Variants in RAPGEF1 observed in about 807,000 individuals in gnomAD.
RAPGEF1 encodes CRK SH3-binding GNRP.
A neutral mutation model predicts 143.3 loss-of-function variants in RAPGEF1; 33 were observed. The ratio of observed to expected loss-of-function variants is 0.23; its 90% CI spans 0.17 to 0.31. The LOEUF is 0.31. Ranked by LOEUF, RAPGEF1 falls within the 10% of genes least tolerant of loss-of-function variation. RAPGEF1 has a pLI of 1.00. For missense variants in RAPGEF1, 1,199 were observed against 1,645.4 expected (o/e 0.73, Z 4.69); for synonymous variants, 629 against 676.5 (o/e 0.93, Z 1.09).
chr9:131,694,255 T>C (rs1246564266), intron 1 of RAPGEF1, among the ~76,000 whole-genome samples: 3 of 152,152 alleles, frequency 2.0e-5, no homozygotes. Flanking sequence ...CCTTTTTCAG[T>C]CAGGGTTCCA....
intron 1 of RAPGEF1, among the ~76,000 whole-genome samples, chr9:131,730,121 G>A (rs1467880630): frequency 6.7e-6 from 1 of 149,710 alleles, no homozygotes; most frequent in African/African-American, 2.5e-5. Context: ...GTGAACCCGG[G>A]AGGTGGAGCT....
intron 1 of RAPGEF1, chr9:131,709,749 C>CGG (rs1835374264): frequency 6.2e-7 from 1 of 1,609,992 alleles, no homozygotes; most frequent in Non-Finnish European, 8.5e-7. Context: ...AACTGAGGAC[C>CGG]GAGTCACTGG....
intron 1 of RAPGEF1, among the ~76,000 whole-genome samples, chr9:131,731,288 T>G (rs1407767741): frequency 6.6e-6 from 1 of 152,210 alleles, no homozygotes; most frequent in African/African-American, 2.4e-5. Flanking sequence ...CAGCTACTAC[T>G]ATTATTTGTA....
chr9:131,684,108 AT>A (rs1271766306), intron 1 of RAPGEF1, among the ~76,000 whole-genome samples: 41 of 152,358 alleles, frequency 2.7e-4, no homozygotes, highest in African/African-American at 9.9e-4. Context: ...AGCTAAAGCT[AT>A]TGTCCAGTGA....
At chr9:131,676,856 G>A (rs1187278400) in intron 1 of RAPGEF1, among the ~76,000 whole-genome samples, 3 of 152,196 alleles carry the variant, frequency 2.0e-5, no homozygotes, top group African/African-American at 4.8e-5. Flanking sequence ...CAACAACGAC[G>A]GCAGCTTCAC....
At chr9:131,670,490 G>A (rs1474555076) in intron 1 of RAPGEF1, among the ~76,000 whole-genome samples, 2 of 152,192 alleles carry the variant, frequency 1.3e-5, no homozygotes, top group Non-Finnish European at 2.9e-5. Flanking sequence ...CACCAGGGGA[G>A]TAAGTCACTG....
intron 1 of RAPGEF1, among the ~76,000 whole-genome samples, chr9:131,715,258 T>A (rs1835780414): frequency 6.6e-6 from 1 of 152,040 alleles, no homozygotes. Context: ...ATCCCGGTGA[T>A]CAGTGCTAAA....
At chr9:131,633,280 T>C (rs910246203) in intron 5 of RAPGEF1, among the ~76,000 whole-genome samples, 2 of 152,130 alleles carry the variant, frequency 1.3e-5, no homozygotes. Flanking sequence ...GGCAGCTCCC[T>C]TGCACCCTAC....
At chr9:131,738,253 CTTATATA>C (rs1315200966) in intron 1 of RAPGEF1, among the ~76,000 whole-genome samples, 1 of 147,882 alleles carries the variant, frequency 6.8e-6, no homozygotes, top group Non-Finnish European at 1.5e-5. Context: ...ATAATATAAT[CTTATATA>C]TTATAAAGTT....
chr9:131,739,753 C>T lies in RAPGEF1; in HGVS notation c.61+17G>A. The T allele has an allele frequency of 1.7e-6, 2 of 1,146,910 alleles. 1 individual carries two copies. The highest frequency in any genetic ancestry group is 4.0e-5 in the South Asian group (2 of 50,198). The allele number at this position is 1,146,910 out of a possible 1,614,324, so 71.0% of individuals were successfully genotyped here. A position where few individuals can be genotyped will look rare whatever the true frequency, so the allele number is the denominator to read the frequency against. On this transcript the variant is annotated intron_variant, in intron 1 of 26. Transcript: ENST00000683357. Reference sequence around the variant, plus strand: ...CCGGGCCCGGCCGGAGGGAGCCGCCCCACGCCCGCGCCTCACCTGCTTTCT... The same window carrying T: ...CCGGGCCCGGCCGGAGGGAGCCGCCTCACGCCCGCGCCTCACCTGCTTTCT...
intron 1 of RAPGEF1, among the ~76,000 whole-genome samples, chr9:131,661,973 C>T (rs191014395): frequency 6.6e-6 from 1 of 152,326 alleles, no homozygotes; most frequent in Non-Finnish European, 1.5e-5. Context: ...AATATAAATA[C>T]AATTGAATCT....
intron 3 of RAPGEF1, among the ~76,000 whole-genome samples, chr9:131,648,026 C>T (rs1970117867): frequency 6.6e-6 from 1 of 152,194 alleles, no homozygotes; most frequent in African/African-American, 2.4e-5. Context: ...GGTTTACAGG[C>T]ACCCCACTAA....
chr9:131,657,825 T>A (rs1323209932), intron 1 of RAPGEF1, among the ~76,000 whole-genome samples: 2 of 152,200 alleles, frequency 1.3e-5, no homozygotes, highest in Non-Finnish European at 2.9e-5. Flanking sequence ...AGACTTATCA[T>A]CCCTTACTTT....
Position 131,584,277 on chromosome 9 carries a change from G to T in RAPGEF1, c.3414+34C>A. On this transcript the variant is annotated intron_variant, in intron 24 of 26. Coordinates refer to ENST00000683357, the MANE Select transcript of RAPGEF1 (RefSeq NM_001377935.1). This position sits in a 1 kb window ranked among gnomAD's most constrained non-coding sequence, Gnocchi z 6.8. ...GAGGGCTGGGCGGCCCCCCTTACCA[G>T]CCACCCTCCCGCCCACGCCCCAAGG... 1 of 1,559,672 alleles carries T rather than the reference G, an allele frequency of 6.4e-7. No individual in the cohort carries two copies. Among genetic ancestry groups the T allele is most frequent in the East Asian group, 2.3e-5 (1 of 42,836 alleles).
Position 131,626,134 on chromosome 9 carries a change from C to T in RAPGEF1, c.1490G>A (p.Arg497Gln), listed in dbSNP as rs1353187890. ...GATGTTGTCATACTGCGAGGGATGC[C>T]GCTCGTAGGACACCCTGCAGCCAGA... Reference protein sequence around the residue: ...DGSGCRVSYERHPSQYDNISG... With the variant: ...DGSGCRVSYEQHPSQYDNISG... The change falls in exon 10 of 27, where the codon CGG becomes CAG. Residue 497 changes from arginine (R) to glutamine (Q), a missense_variant. By Grantham distance (43) the Arg-to-Gln change is conservative. Coordinates refer to ENST00000683357, the MANE Select transcript of RAPGEF1 (RefSeq NM_001377935.1). 6 of 1,613,660 alleles carry T rather than the reference C, an allele frequency of 3.7e-6. No individual in the cohort carries two copies. Among genetic ancestry groups the T allele is most frequent in the African/African-American group, 1.3e-5 (1 of 74,868 alleles).
chr9:131,604,971 T>C lies in RAPGEF1; in HGVS notation c.2279A>G (p.Asn760Ser). The change falls in exon 13 of 27, where the codon AAT becomes AGT. Residue 760 changes from asparagine (N) to serine (S), a missense_variant. This residue lies in a region of RAPGEF1 where 293 missense variants were observed against 356.2 expected (regional missense o/e 0.82). Transcript: ENST00000683357. ...SASQESSFHG[N>S]TVCLPSETSF... ...GGTTTCGGAAGGAAGGCAGACAGTATTCCCATGAAAGCTGCTCTCCTGAGA... is the reference window on the plus strand; with the variant it reads ...GGTTTCGGAAGGAAGGCAGACAGTACTCCCATGAAAGCTGCTCTCCTGAGA... 3.0e-6 allele frequency: 4 copies of C among 1,323,384 alleles called. No individual in the cohort carries two copies. The highest frequency in any genetic ancestry group is 4.0e-6 in the Non-Finnish European group (4 of 999,870). The allele number at this position is 1,323,384 out of a possible 1,614,324, so 82.0% of individuals were successfully genotyped here.
chr9:131,616,387 C>T (rs1541055), intron 12 of RAPGEF1, among the ~76,000 whole-genome samples: 121,586 of 152,208 alleles, frequency 0.8, 48,772 homozygotes, highest in Non-Finnish European at 0.83. Context: ...CCTGCTGACC[C>T]GTGGCCCTGC....
intron 5 of RAPGEF1, among the ~76,000 whole-genome samples, chr9:131,634,817 G>C (rs1432197931): frequency 6.6e-6 from 1 of 150,842 alleles, no homozygotes; most frequent in Admixed American, 6.6e-5. Flanking sequence ...AAGTAACACA[G>C]TAAATTACCT....
At chr9:131,727,937 A>C (rs1367891403) in intron 1 of RAPGEF1, among the ~76,000 whole-genome samples, 1 of 152,336 alleles carries the variant, frequency 6.6e-6, no homozygotes, top group East Asian at 1.9e-4. Flanking sequence ...AGCACAAATT[A>C]GTGTGGTTAT....
Sources: allele counts gnomAD v4.1 joint callset (sites outside exome capture counted in the v4.1 genomes callset), GRCh38; gene constraint gnomAD v4.1.1; regional missense constraint gnomAD v4.1.1; non-coding constraint Gnocchi (gnomAD v3.1); transcripts MANE v1.5; gene names NCBI Gene and HGNC (gene_info 2026-07-23, HGNC 2026-07-21).